IDO2: variants seen among roughly 807,000 people sequenced by gnomAD.
IDO2 encodes the protein indoleamine 2,3-dioxygenase 2, also known as indoleamine 2,3-dioxygenase-like 1 protein.
In IDO2, 46 loss-of-function variants were observed where a neutral mutation model predicts 45.1. That is an observed-to-expected ratio of 1.02 (90% CI 0.80 to 1.30). The LOEUF is 1.30. IDO2 is among the 50% of genes most tolerant of loss of function. The probability of loss-of-function intolerance (pLI) is 0.00; values close to 1 mark genes in which losing one functional copy is unlikely to be tolerated. For synonymous variants in IDO2, 218 were observed against 184.9 expected (o/e 1.18, Z -1.45); for missense variants, 544 against 491.8 (o/e 1.11, Z -1.00).
intron 2 of IDO2, among the ~76,000 whole-genome samples, chr8:39,949,834 G>C (rs551937163): frequency 6.6e-6 from 1 of 152,272 alleles, no homozygotes; most frequent in Non-Finnish European, 1.5e-5. Context: ...GAGGAAACTT[G>C]GGTGCTTTCA....
At chr8:39,989,314 C>A (rs1808467758) in intron 7 of IDO2, among the ~76,000 whole-genome samples, 2 of 152,118 alleles carry the variant, frequency 1.3e-5, no homozygotes, top group Admixed American at 1.3e-4. Context: ...GATTACCATC[C>A]AAGATGAGAT....
intron 8 of IDO2, among the ~76,000 whole-genome samples, chr8:39,990,167 C>A (rs987875449): frequency 6.6e-6 from 1 of 152,126 alleles, no homozygotes; most frequent in Non-Finnish European, 1.5e-5. Flanking sequence ...GTCGCGCGTG[C>A]CCCATCCTGC....
exon 11 of IDO2, chr8:40,016,074 T>A (rs946994515): frequency 1.3e-5 from 5 of 390,540 alleles, no homozygotes; most frequent in African/African-American, 8.3e-5. Context: ...CCTGAATGTG[T>A]TGAGTTGGTG....
intron 3 of IDO2, among the ~76,000 whole-genome samples, chr8:39,975,159 GTTT>G (rs368341548): frequency 7.0e-6 from 1 of 142,518 alleles, no homozygotes; most frequent in African/African-American, 2.7e-5. Flanking sequence ...CAACATTGGA[GTTT>G]TTTTTTTTGT....
intron 7 of IDO2, among the ~76,000 whole-genome samples, chr8:39,988,956 T>C (rs1024871660): frequency 2.6e-5 from 4 of 152,030 alleles, no homozygotes; most frequent in Non-Finnish European, 5.9e-5. Context: ...GCAGAGGGGA[T>C]TCTAGAGCTG....
At chr8:39,969,851 G>C (rs921217140) in intron 3 of IDO2, among the ~76,000 whole-genome samples, 1 of 146,586 alleles carries the variant, frequency 6.8e-6, no homozygotes, top group Admixed American at 7.0e-5. Context: ...CTCCAGCCAG[G>C]GCAACAAGAG....
chr8:39,947,426 G>T (rs1420911297), intron 1 of IDO2, among the ~76,000 whole-genome samples: 2 of 152,068 alleles, frequency 1.3e-5, no homozygotes, highest in African/African-American at 2.4e-5. Flanking sequence ...ATTTTCCCTG[G>T]CATGTTTATA....
intron 4 of IDO2, among the ~76,000 whole-genome samples, chr8:39,979,419 A>C (rs1049044618): frequency 2.1e-4 from 32 of 152,168 alleles, no homozygotes; most frequent in African/African-American, 7.0e-4. Flanking sequence ...CAGTGGGGTG[A>C]TCTTGGCTCA....
chr8:40,000,101 T>C (rs867717951), intron 8 of IDO2, among the ~76,000 whole-genome samples: 2 of 152,192 alleles, frequency 1.3e-5, no homozygotes, highest in Non-Finnish European at 2.9e-5. Flanking sequence ...ACATCCAGTA[T>C]ACTTTCACTA....
chr8:39,968,438 G>A (rs542362493), intron 3 of IDO2, among the ~76,000 whole-genome samples: 18 of 152,264 alleles, frequency 1.2e-4, no homozygotes, highest in African/African-American at 3.6e-4. Context: ...GCACTCAGGT[G>A]ATGGATATAT....
chr8:39,985,375 G>A, intron 5 of IDO2, 133 bp from the exon 6 acceptor site: 1 of 733,626 alleles, frequency 1.4e-6, no homozygotes, highest in Admixed American at 2.8e-5. Flanking sequence ...TGTGCCTGCA[G>A]TGCCTTGCAC....
intron 1 of IDO2, among the ~76,000 whole-genome samples, chr8:39,948,158 T>C (rs550339289): frequency 2.0e-5 from 3 of 152,382 alleles, no homozygotes; most frequent in East Asian, 3.9e-4. Flanking sequence ...AGTTTGTTAG[T>C]ATTTATTATC....
At chr8:39,976,496 A>G (rs1471318087) in intron 3 of IDO2, among the ~76,000 whole-genome samples, 2 of 152,188 alleles carry the variant, frequency 1.3e-5, no homozygotes, top group Non-Finnish European at 2.9e-5. Context: ...TCTACTCTTT[A>G]GGTTGTAAAT....
chr8:40,009,027 A>AT, intron 9 of IDO2, among the ~76,000 whole-genome samples: 1 of 151,896 alleles, frequency 6.6e-6, no homozygotes, highest in South Asian at 2.1e-4. Context: ...TTATTTATTT[A>AT]TTTTTAGATG....
At chr8:39,973,369 CA>C (rs1265992982) in intron 3 of IDO2, among the ~76,000 whole-genome samples, 1 of 152,088 alleles carries the variant, frequency 6.6e-6, no homozygotes, top group African/African-American at 2.4e-5. Context: ...ATCCCAGTAG[CA>C]ATGAGCAAAC....
chr8:39,982,283 C>T (rs1211306191), intron 4 of IDO2, among the ~76,000 whole-genome samples: 2 of 151,170 alleles, frequency 1.3e-5, no homozygotes, highest in African/African-American at 4.9e-5. Context: ...CTTCCATCTA[C>T]TTACCTATCT....
At chr8:39,952,842 C>T (rs1251415406) in intron 2 of IDO2, among the ~76,000 whole-genome samples, 1 of 151,726 alleles carries the variant, frequency 6.6e-6, no homozygotes, top group African/African-American at 2.4e-5. Flanking sequence ...AATCTCAGCT[C>T]ACTGCAACCT....
chr8:39,939,911 C>T (rs1301096705), intron 1 of IDO2, among the ~76,000 whole-genome samples: 5 of 151,930 alleles, frequency 3.3e-5, no homozygotes, highest in Admixed American at 6.6e-5. Flanking sequence ...AAAAGTTAAA[C>T]TGTGACCATA....
At chr8:39,975,399 G>A (rs1457465842) in intron 3 of IDO2, among the ~76,000 whole-genome samples, 2 of 151,980 alleles carry the variant, frequency 1.3e-5, no homozygotes, top group Admixed American at 1.3e-4. Flanking sequence ...ACATATAAAT[G>A]AAAAGAAGAT....
Sources: allele counts gnomAD v4.1 joint callset (sites outside exome capture counted in the v4.1 genomes callset), GRCh38; gene constraint gnomAD v4.1.1; transcripts MANE v1.5; gene names NCBI Gene and HGNC (gene_info 2026-07-23, HGNC 2026-07-21).